The following LRRC4C variants were observed in gnomAD, a reference collection of about 807,000 sequenced individuals.
LRRC4C encodes the protein leucine-rich repeat-containing protein 4C.
Under a neutral mutation model 33.6 loss-of-function variants are expected in LRRC4C, and 5 were observed. That is an observed-to-expected ratio of 0.15 (90% confidence interval 0.08 to 0.31). The LOEUF (loss-of-function observed/expected upper bound fraction) is 0.31. Among genes scored for constraint, LRRC4C ranks in the 10% least tolerant of loss-of-function variants. The probability of loss-of-function intolerance (pLI) is 1.00; values close to 1 mark genes in which losing one functional copy is unlikely to be tolerated. For synonymous variants in LRRC4C, 329 were observed against 302.0 expected (o/e 1.09, Z -0.93); for missense variants, 560 against 796.7 (o/e 0.70, Z 3.58).
At chr11:40,316,578 G>C (rs1329270413) in intron 4 of LRRC4C, among the ~76,000 whole-genome samples, 1 of 151,964 alleles carries the variant, frequency 6.6e-6, no homozygotes, top group Non-Finnish European at 1.5e-5. Flanking sequence ...AAAATGAAGA[G>C]TTATGATAGT....
intron 1 of LRRC4C, among the ~76,000 whole-genome samples, chr11:41,301,090 C>T (rs1233652811): frequency 1.3e-5 from 2 of 152,120 alleles, no homozygotes. Flanking sequence ...ACTGAATTAG[C>T]TGATTCTCTC....
chr11:40,149,928 T>G (rs1858050365), intron 5 of LRRC4C, among the ~76,000 whole-genome samples: 1 of 152,158 alleles, frequency 6.6e-6, no homozygotes, highest in African/African-American at 2.4e-5. Flanking sequence ...CACACCAAAT[T>G]ACCACAAACT....
chr11:41,268,015 C>G (rs1432394009), intron 1 of LRRC4C, among the ~76,000 whole-genome samples: 1 of 151,992 alleles, frequency 6.6e-6, no homozygotes, highest in Admixed American at 6.6e-5. Flanking sequence ...TGTGACCATG[C>G]AGGTAAGTGT....
chr11:40,129,596 T>C, intron 6 of LRRC4C, among the ~76,000 whole-genome samples: 1 of 152,168 alleles, frequency 6.6e-6, no homozygotes, highest in Admixed American at 6.5e-5. Flanking sequence ...CTGGATTAGC[T>C]TTCAGGTCAC....
intron 5 of LRRC4C, among the ~76,000 whole-genome samples, chr11:40,151,206 C>T (rs1432415873): frequency 2.0e-5 from 3 of 152,170 alleles, no homozygotes; most frequent in Admixed American, 6.5e-5. Context: ...TAAAACAAGG[C>T]TATTCTAATT....
At chr11:41,250,407 T>C (rs1948601729) in intron 1 of LRRC4C, among the ~76,000 whole-genome samples, 1 of 152,194 alleles carries the variant, frequency 6.6e-6, no homozygotes, top group Admixed American at 6.5e-5. Flanking sequence ...AGAGAAGAGT[T>C]TCAAACCAAT....
chr11:41,046,933 C>A (rs930112805), intron 1 of LRRC4C, among the ~76,000 whole-genome samples: 1 of 152,052 alleles, frequency 6.6e-6, no homozygotes, highest in African/African-American at 2.4e-5. Flanking sequence ...GGAAGGTGTA[C>A]ATCTTAGTAA....
At chr11:40,591,747 T>A (rs1269442150) in intron 3 of LRRC4C, among the ~76,000 whole-genome samples, 2 of 152,234 alleles carry the variant, frequency 1.3e-5, no homozygotes, top group Non-Finnish European at 2.9e-5. Context: ...TTAACCTTGC[T>A]GGATTTAGAA....
In LRRC4C at chr11:41,376,007, A is replaced by C. The variant is rs538003468; in HGVS notation, c.-496+83424T>G. On this transcript the variant is annotated intron_variant, in intron 1 of 6. Transcript: ENST00000528697. ...GAAAGATTGGAGAATTCACATATAA[A>C]TTGATATTTTATATTAATATAATAT... 2.1e-3 allele frequency among the ~76,000 whole-genome samples: 312 copies of C among 152,072 alleles called. 1 individual carries two copies. Among genetic ancestry groups the C allele is most frequent in the African/African-American group, 7.3e-3 (305 of 41,540 alleles).
intron 3 of LRRC4C, among the ~76,000 whole-genome samples, chr11:40,342,076 A>C (rs1946894320): frequency 6.6e-6 from 1 of 152,180 alleles, no homozygotes; most frequent in African/African-American, 2.4e-5. Flanking sequence ...TGGTTGTCAA[A>C]TTCAAGAGTA....
chr11:40,468,014 G>A (rs544798945), intron 3 of LRRC4C, among the ~76,000 whole-genome samples: 9 of 152,152 alleles, frequency 5.9e-5, no homozygotes, highest in Non-Finnish European at 1.2e-4. Flanking sequence ...ATATTTGCAC[G>A]AGGAATATCT....
chr11:40,584,402 G>A (rs1958616255), intron 3 of LRRC4C, among the ~76,000 whole-genome samples: 2 of 151,460 alleles, frequency 1.3e-5, no homozygotes, highest in African/African-American at 4.9e-5. Context: ...CTGGTGTGGA[G>A]GACTACTAGC....
intron 2 of LRRC4C, among the ~76,000 whole-genome samples, chr11:40,822,518 G>T (rs898776946): frequency 6.6e-6 from 1 of 151,568 alleles, no homozygotes; most frequent in African/African-American, 2.4e-5. Flanking sequence ...TTTCTTTTAG[G>T]ATTATTTGTT....
At chr11:41,344,583 G>GCACAAAATGTT (rs1951746008) in intron 1 of LRRC4C, among the ~76,000 whole-genome samples, 1 of 52,774 alleles carries the variant, frequency 1.9e-5, no homozygotes, top group African/African-American at 4.6e-5. Flanking sequence ...AGTGCCTGTG[G>GCACAAAATGTT]TTGGTTTTGA....
intron 3 of LRRC4C, among the ~76,000 whole-genome samples, chr11:40,639,244 T>C (rs1371909381): frequency 6.6e-6 from 1 of 152,180 alleles, no homozygotes; most frequent in East Asian, 1.9e-4. Flanking sequence ...ATAATTTTCT[T>C]TTGCCAAATC....
intron 3 of LRRC4C, among the ~76,000 whole-genome samples, chr11:40,342,876 A>C (rs559241458): frequency 6.6e-6 from 1 of 152,160 alleles, no homozygotes; most frequent in South Asian, 2.1e-4. Flanking sequence ...CTACCTACCT[A>C]TATATTTATC....
At chr11:41,213,301 C>T (rs554208064) in intron 1 of LRRC4C, among the ~76,000 whole-genome samples, 1 of 152,216 alleles carries the variant, frequency 6.6e-6, no homozygotes, top group Non-Finnish European at 1.5e-5. Flanking sequence ...ATAACAAGTC[C>T]TATGATCATA....
At chr11:40,205,204 A>G (rs943202128) in intron 5 of LRRC4C, among the ~76,000 whole-genome samples, 33 of 152,252 alleles carry the variant, frequency 2.2e-4, no homozygotes, top group African/African-American at 3.6e-4. Context: ...CTCCAGGTAT[A>G]GAAGAGGCAA....
intron 3 of LRRC4C, among the ~76,000 whole-genome samples, chr11:40,626,099 C>T (rs542590626): frequency 3.3e-5 from 5 of 152,214 alleles, no homozygotes; most frequent in African/African-American, 1.2e-4. Context: ...TTTGTTACCC[C>T]CATATTTTCT....
Sources: allele counts gnomAD v4.1 joint callset (sites outside exome capture counted in the v4.1 genomes callset), GRCh38; gene constraint gnomAD v4.1.1; transcripts MANE v1.5; gene names NCBI Gene and HGNC (gene_info 2026-07-23, HGNC 2026-07-21).